The following HERC3 variants were observed in gnomAD, a reference collection of about 807,000 sequenced individuals.
HERC3 encodes HECT and RLD domain containing E3 ubiquitin protein ligase 3, also known as probable E3 ubiquitin-protein ligase HERC3.
HERC3 carries 58 observed loss-of-function variants against 129.9 expected under a neutral mutation model. The ratio of observed to expected loss-of-function variants is 0.45; its 90% CI spans 0.36 to 0.56. HERC3 has a LOEUF of 0.56. Ranked by LOEUF, HERC3 falls within the 20% of genes least tolerant of loss-of-function variation. HERC3 has a pLI of 0.00. For synonymous variants in HERC3, 430 were observed against 451.0 expected (o/e 0.95, Z 0.59); for missense variants, 835 against 1,244.2 (o/e 0.67, Z 4.95).
chr4:88,634,362 G>A (rs1158082498), intron 3 of HERC3, among the ~76,000 whole-genome samples: 5 of 152,198 alleles, frequency 3.3e-5, no homozygotes, highest in African/African-American at 9.6e-5. Flanking sequence ...CACCACTGCT[G>A]TGGCTGCCTG....
At chr4:88,571,734 C>T in the HERC3 span, among the ~76,000 whole-genome samples, 3 of 152,128 alleles carry the variant, frequency 2.0e-5, no homozygotes, top group Non-Finnish European at 4.4e-5. Flanking sequence ...TCCAAACAAC[C>T]TATATTTGTG....
chr4:88,631,500 A>T (rs114465877), intron 3 of HERC3, among the ~76,000 whole-genome samples: 2,392 of 152,200 alleles, frequency 0.016, 56 homozygotes, highest in African/African-American at 0.055. Context: ...ATCATAACTA[A>T]TCTTTCTCTC....
the HERC3 span, among the ~76,000 whole-genome samples, chr4:88,543,667 C>T: frequency 6.6e-6 from 1 of 152,206 alleles, no homozygotes; most frequent in Admixed American, 6.5e-5. Context: ...AGGCATCACA[C>T]TACCTGACTT....
rs1732149123 is a variant in HERC3, at chr4:88,676,212, A to G, written c.1912-6A>G. ...AGTAAGAGACTTTTTATTTTTCTTTACACAGAAGGCTAGACCATCAATAAT... is the reference window on the plus strand; with the variant it reads ...AGTAAGAGACTTTTTATTTTTCTTTGCACAGAAGGCTAGACCATCAATAAT... On this transcript the variant is annotated splice_region_variant and splice_polypyrimidine_tract_variant and intron_variant, in intron 16 of 25. Transcript: ENST00000402738. The G allele has an allele frequency of 1.3e-6, 2 of 1,556,404 alleles. No individual in the cohort carries two copies. Among genetic ancestry groups the G allele is most frequent in the Non-Finnish European group, 1.8e-6 (2 of 1,132,566 alleles).
chr4:88,633,972 A>G (rs1434493751), intron 3 of HERC3, among the ~76,000 whole-genome samples: 1 of 152,202 alleles, frequency 6.6e-6, no homozygotes, highest in African/African-American at 2.4e-5. Context: ...GCCGATTGGA[A>G]GCTCCCATGG....
At chr4:88,553,885 G>T in the HERC3 span, among the ~76,000 whole-genome samples, 1 of 152,198 alleles carries the variant, frequency 6.6e-6, no homozygotes, top group Non-Finnish European at 1.5e-5. Context: ...GCTTGAACCT[G>T]GGAGGCGGAG....
the HERC3 span, among the ~76,000 whole-genome samples, chr4:88,568,883 AAAG>A: frequency 6.6e-6 from 1 of 151,800 alleles, no homozygotes; most frequent in Non-Finnish European, 1.5e-5. Context: ...CCTCAAGCAG[AAAG>A]AAGGAGTACC....
the HERC3 span, chr4:88,524,669 T>TAA: frequency 2.6e-5 from 4 of 152,246 alleles, no homozygotes; most frequent in Non-Finnish European, 5.9e-5. Flanking sequence ...AGGTAGGGCA[T>TAA]AAATGTGATT....
At chr4:88,545,427 A>ATAC in the HERC3 span, among the ~76,000 whole-genome samples, 1 of 118,684 alleles carries the variant, frequency 8.4e-6, no homozygotes, top group South Asian at 2.9e-4. Context: ...CCTTTTGAGA[A>ATAC]TTCTTTTTTT....
At chr4:88,572,983 G>C in the HERC3 span, among the ~76,000 whole-genome samples, 2 of 152,096 alleles carry the variant, frequency 1.3e-5, no homozygotes, top group Non-Finnish European at 2.9e-5. Flanking sequence ...TCTCCCTTGT[G>C]TGTCAGATAC....
chr4:88,527,402 C>T, the HERC3 span, among the ~76,000 whole-genome samples: 1 of 152,080 alleles, frequency 6.6e-6, no homozygotes, highest in South Asian at 2.1e-4. Flanking sequence ...TAGGCACACA[C>T]ATGCACCACC....
the HERC3 span, among the ~76,000 whole-genome samples, chr4:88,539,979 G>T: frequency 1.3e-5 from 2 of 152,106 alleles, no homozygotes; most frequent in Non-Finnish European, 2.9e-5. Context: ...ACAAAAATGG[G>T]GAGAAACCAG....
chr4:88,583,274 A>G, the HERC3 span, among the ~76,000 whole-genome samples: 2 of 151,672 alleles, frequency 1.3e-5, no homozygotes, highest in African/African-American at 4.8e-5. Context: ...TGTCTCTACT[A>G]AAAATACAAA....
chr4:88,528,842 C>T, the HERC3 span, among the ~76,000 whole-genome samples: 3 of 152,194 alleles, frequency 2.0e-5, no homozygotes, highest in South Asian at 6.2e-4. Context: ...TCTCTATCAG[C>T]TAAGGTTTTG....
the HERC3 span, chr4:88,527,729 C>A: frequency 3.2e-6 from 1 of 307,824 alleles, no homozygotes; most frequent in Non-Finnish European, 6.4e-6. Context: ...TGCATAGGTT[C>A]TGTCAAGAAA....
intron 23 of HERC3, among the ~76,000 whole-genome samples, chr4:88,700,920 C>T (rs1254359949): frequency 6.6e-6 from 1 of 152,144 alleles, no homozygotes; most frequent in Non-Finnish European, 1.5e-5. Context: ...TGGATATGGC[C>T]TACCCACATT....
the HERC3 span, among the ~76,000 whole-genome samples, chr4:88,571,289 A>C: frequency 6.6e-6 from 1 of 152,250 alleles, no homozygotes; most frequent in Non-Finnish European, 1.5e-5. Flanking sequence ...AAGTATCATA[A>C]CTAGTAAACA....
the HERC3 span, among the ~76,000 whole-genome samples, chr4:88,559,612 A>T: frequency 6.6e-6 from 1 of 152,212 alleles, no homozygotes; most frequent in African/African-American, 2.4e-5. Flanking sequence ...ACAAATAGCA[A>T]GATCTTTTTA....
rs960438510 is a variant in HERC3, at chr4:88,707,864, C to G, written c.*904C>G. The stretch of plus-strand genomic sequence containing the variant: ...CCCTTTTTCTATCACCTTATGTCCT[C>G]TACCATTTTCTCCTTCCTCCCTTCC... On this transcript the variant is annotated 3_prime_UTR_variant, in exon 26 of 26. Transcript: ENST00000402738. 6.6e-6 allele frequency: 1 copy of G among 152,598 alleles called. No individual in the cohort carries two copies. The highest frequency in any genetic ancestry group is 2.4e-5 in the African/African-American group (1 of 41,424). 9.5% of individuals were successfully genotyped at this position (152,598 alleles called of 1,614,324 possible). A position where few individuals can be genotyped will look rare whatever the true frequency, so the allele number is the denominator to read the frequency against.
Sources: gnomAD v4.1 joint callset for allele counts (sites outside exome capture counted in the v4.1 genomes callset) on GRCh38, gnomAD v4.1.1 for gene constraint, MANE v1.5 for transcripts, NCBI Gene and HGNC (gene_info 2026-07-23, HGNC 2026-07-21) for gene names.